The following SPTY2D1 variants were observed in gnomAD, a reference collection of about 807,000 sequenced individuals.
SPTY2D1 encodes protein SPT2 homolog.
SPTY2D1 carries 21 observed loss-of-function variants against 64.0 expected under a neutral mutation model. That is an observed-to-expected ratio of 0.33 (90% CI 0.23 to 0.47). The LOEUF (loss-of-function observed/expected upper bound fraction) is 0.47, where lower values mean the gene tolerates loss of function less well. SPTY2D1 is among the 20% of genes least tolerant of loss of function. The probability of loss-of-function intolerance (pLI) is 1.00; values close to 1 mark genes in which losing one functional copy is unlikely to be tolerated. For missense variants in SPTY2D1, 724 were observed against 837.2 expected (o/e 0.86, Z 1.67); for synonymous variants, 287 against 286.8 (o/e 1.00, Z -0.01).
At chr11:18,633,121 T>C (rs1854614871) in intron 1 of SPTY2D1, among the ~76,000 whole-genome samples, 1 of 142,390 alleles carries the variant, frequency 7.0e-6, no homozygotes, top group Non-Finnish European at 1.6e-5. Context: ...TATACATATA[T>C]TTATAAACAT....
Position 18,620,907 on chromosome 11 carries a change from A to G in SPTY2D1, c.61-3918T>C, listed in dbSNP as rs1854385642. On this transcript the variant is annotated intron_variant, in intron 1 of 5. Coordinates refer to ENST00000336349, the MANE Select transcript of SPTY2D1 (RefSeq NM_194285.3). ...ATCTCAAAAAAAAAAAAAAAATACT[A>G]TTAAAATAAAAAATATTTTATTTGT... Among the ~76,000 whole-genome samples, 2 of 149,774 alleles carry G rather than the reference A, an allele frequency of 1.3e-5. 1 individual carries two copies. The highest frequency in any genetic ancestry group is 4.2e-4 in the South Asian group (2 of 4,752).
chr11:18,606,703 C>T lies in SPTY2D1; in HGVS notation c.*3158G>A, dbSNP rs1317018004. The T allele has an allele frequency of 2.0e-5, 8 of 404,330 alleles. No individual in the cohort carries two copies. The highest frequency in any genetic ancestry group is 3.8e-5 in the Non-Finnish European group (8 of 211,246). The allele number at this position is 404,330 out of a possible 1,614,324, so 25.0% of individuals were successfully genotyped here. A position where few individuals can be genotyped will look rare whatever the true frequency, so the allele number is the denominator to read the frequency against. ...ATACATTGAAAATAAAACAACCAGT[C>T]TCTCTTCATATATTTATTCTCTTTC... On this transcript the variant is annotated 3_prime_UTR_variant, in exon 6 of 6. Coordinates refer to ENST00000336349, the MANE Select transcript of SPTY2D1 (RefSeq NM_194285.3).
At chr11:18,614,511 T>C (rs1854256242) in intron 3 of SPTY2D1, 52 bp downstream of exon 3, 1 of 1,530,416 alleles carries the variant, frequency 6.5e-7, no homozygotes, top group South Asian at 1.2e-5. Context: ...AAAAACTCTT[T>C]CCAATTTCCT....
intron 4 of SPTY2D1, among the ~76,000 whole-genome samples, chr11:18,611,760 C>T (rs1383230261): frequency 6.6e-6 from 1 of 152,166 alleles, no homozygotes; most frequent in Admixed American, 6.6e-5. Context: ...CCTTATTACC[C>T]TCAGAGGGCA....
intron 1 of SPTY2D1, among the ~76,000 whole-genome samples, chr11:18,633,384 G>A (rs1489706160): frequency 1.3e-5 from 2 of 152,192 alleles, no homozygotes; most frequent in South Asian, 2.1e-4. Context: ...TGTGCTGTGG[G>A]TACCATCTGA....
chr11:18,629,377 G>A (rs1443862020), intron 1 of SPTY2D1, among the ~76,000 whole-genome samples: 1 of 151,984 alleles, frequency 6.6e-6, no homozygotes. Flanking sequence ...GGTGGCGTGC[G>A]GCTGCAGTCC....
Position 18,615,425 on chromosome 11 carries a change from C to T in SPTY2D1, c.849G>A (p.Met283Ile). The T allele has an allele frequency of 6.2e-7, 1 of 1,614,158 alleles. No homozygotes were observed. Among genetic ancestry groups the T allele is most frequent in the Non-Finnish European group, 8.5e-7 (1 of 1,180,032 alleles). ...KHLALSSSKSMPGERIKAGSG... is the reference protein window; with the variant it reads ...KHLALSSSKSIPGERIKAGSG... ...ATCCTGCCTTGATCCTCTCTCCTGG[C>T]ATGGATTTGGATGAAGACAAAGCGA... The change falls in exon 3 of 6, where the codon ATG (methionine) becomes ATA (isoleucine). Residue 283 changes from methionine to isoleucine, a missense_variant. Physicochemically the swap from Met to Ile is conservative, Grantham distance 10. This residue lies in a region of SPTY2D1 where 426 missense variants were observed against 431.8 expected (regional missense o/e 0.99). Coordinates refer to ENST00000336349, the MANE Select transcript of SPTY2D1 (RefSeq NM_194285.3).
At chr11:18,622,906 C>A (rs111235428) in intron 1 of SPTY2D1, among the ~76,000 whole-genome samples, 3 of 151,400 alleles carry the variant, frequency 2.0e-5, no homozygotes, top group Non-Finnish European at 4.4e-5. Flanking sequence ...GAGCTGAGAT[C>A]GCGCCACTGT....
intron 1 of SPTY2D1, among the ~76,000 whole-genome samples, chr11:18,632,468 C>A (rs928873145): frequency 1.3e-5 from 2 of 152,028 alleles, no homozygotes; most frequent in African/African-American, 4.8e-5. Context: ...TCTGTCTCAG[C>A]CTCCCAAGTA....
intron 1 of SPTY2D1, among the ~76,000 whole-genome samples, chr11:18,625,817 C>CTTT (rs779130410): frequency 1.7e-5 from 2 of 118,960 alleles, no homozygotes; most frequent in Non-Finnish European, 1.6e-5. Context: ...CCAACACTTT[C>CTTT]TTTTTTTTTT....
chr11:18,613,311 TGC>T (rs1459022182), intron 3 of SPTY2D1, among the ~76,000 whole-genome samples: 1 of 152,260 alleles, frequency 6.6e-6, no homozygotes. Flanking sequence ...ATAAAAACTT[TGC>T]AAAAGACAGG....
intron 1 of SPTY2D1, among the ~76,000 whole-genome samples, chr11:18,633,785 A>G (rs1253243412): frequency 6.6e-6 from 1 of 152,214 alleles, no homozygotes; most frequent in South Asian, 2.1e-4. Flanking sequence ...CCAAAAAGCT[A>G]TCAAGCCAAG....
chr11:18,626,182 T>C (rs1476465598), intron 1 of SPTY2D1, among the ~76,000 whole-genome samples: 3 of 152,134 alleles, frequency 2.0e-5, no homozygotes, highest in Admixed American at 6.6e-5. Context: ...CTAACCTCCT[T>C]TCCCTAATTT....
Position 18,615,664 on chromosome 11 carries a change from C to T in SPTY2D1, c.610G>A (p.Glu204Lys). The T allele has an allele frequency of 6.2e-7, 1 of 1,614,142 alleles. No homozygotes were observed. The highest frequency in any genetic ancestry group is 8.5e-7 in the Non-Finnish European group (1 of 1,180,022). ...TGCTTTCGTTCAAGGAATTCTCGCT[C>T]CCTAAGTTCTTCTGCGGTCATAGGT... ...ERPMTAEELR[E>K]REFLERKHRR... Residue 204 changes from glutamate (E) to lysine (K), a missense_variant, in exon 3 of 6, where the codon GAG (glutamate) becomes AAG (lysine). By Grantham distance (56) the Glu-to-Lys change is moderately conservative. Coordinates refer to ENST00000336349, the MANE Select transcript of SPTY2D1 (RefSeq NM_194285.3).
intron 1 of SPTY2D1, among the ~76,000 whole-genome samples, chr11:18,624,134 T>C (rs768251889): frequency 4.3e-4 from 65 of 151,560 alleles, no homozygotes; most frequent in Non-Finnish European, 7.4e-4. Flanking sequence ...TATCAAAAGA[T>C]GTGTTGTAAT....
At chr11:18,627,706 G>A (rs928000620) in intron 1 of SPTY2D1, among the ~76,000 whole-genome samples, 9 of 151,852 alleles carry the variant, frequency 5.9e-5, no homozygotes, top group South Asian at 2.1e-4. Flanking sequence ...GTGAAACCCC[G>A]TCTCTACTAA....
At position 18,616,966 on chromosome 11, in the gene SPTY2D1, C is replaced by G. The variant is rs748961233; in HGVS notation, c.84G>C (p.Gly28=). The G allele has an allele frequency of 1.2e-6, 2 of 1,613,960 alleles. No individual in the cohort carries two copies. The highest frequency in any genetic ancestry group is 2.7e-5 in the African/African-American group (2 of 75,016). ...TAACTTTTGGGTCTTTTTTTGGAGG[C>G]CCCACTGCCAAACTATACCTTTTCT... ...NVPKRYSLAV[G]PPKKDPKVKG... The change falls in exon 2 of 6, where the codon GGG becomes GGC. Residue 28 remains glycine (G), a synonymous_variant. Coordinates refer to ENST00000336349, the MANE Select transcript of SPTY2D1 (RefSeq NM_194285.3).
Position 18,608,327 on chromosome 11 carries a change from G to A in SPTY2D1, c.*1534C>T, listed in dbSNP as rs1854140919. The A allele has an allele frequency of 1.3e-5, 2 of 152,546 alleles. No individual in the cohort carries two copies. The highest frequency in any genetic ancestry group is 2.1e-4 in the South Asian group (1 of 4,826). The allele number at this position is 152,546 out of a possible 1,614,324, so 9.4% of individuals were successfully genotyped here. A position where few individuals can be genotyped will look rare whatever the true frequency, so the allele number is the denominator to read the frequency against. On this transcript the variant is annotated 3_prime_UTR_variant, in exon 6 of 6. Coordinates refer to ENST00000336349, the MANE Select transcript of SPTY2D1 (RefSeq NM_194285.3). ...TGGCTCATATGGTCCCATTAAGGGA[G>A]GCTAACAATGGTAATCTATAATACC... is the stretch of plus-strand genomic sequence containing the variant.
chr11:18,613,051 C>T (rs1854232955), intron 3 of SPTY2D1, among the ~76,000 whole-genome samples: 2 of 152,210 alleles, frequency 1.3e-5, no homozygotes, highest in African/African-American at 2.4e-5. Context: ...GGCGGCGCCA[C>T]CGCGCCCGGC....
Sources: gnomAD v4.1 joint callset for allele counts (sites outside exome capture counted in the v4.1 genomes callset) on GRCh38, gnomAD v4.1.1 for gene constraint, gnomAD v4.1.1 regional missense constraint, MANE v1.5 for transcripts, NCBI Gene and HGNC (gene_info 2026-07-23, HGNC 2026-07-21) for gene names.